Variants in WDR81 observed in about 807,000 individuals in gnomAD.
WDR81 encodes the protein WD repeat domain 81.
A neutral mutation model predicts 140.8 loss-of-function variants in WDR81; 92 were observed. The ratio of observed to expected loss-of-function variants is 0.65; its 90% CI spans 0.55 to 0.78. WDR81 has a LOEUF of 0.78. WDR81 is among the 30% of genes least tolerant of loss of function. WDR81 has a pLI of 0.00. For missense variants in WDR81, 2,502 were observed against 2,636.4 expected, an observed-to-expected ratio of 0.95 and a Z score of 1.12; for synonymous variants, 1,183 against 1,156.4, an observed-to-expected ratio of 1.02 and a Z score of -0.47.
rs371543660 is a variant in WDR81 at position 1,738,468 on chromosome 17, T to C, written c.*783T>C. 6.5e-6 allele frequency: 1 copy of C among 152,922 alleles called. No individual in the cohort carries two copies. The highest frequency in any genetic ancestry group is 1.9e-4 in the East Asian group (1 of 5,190). 9.5% of individuals were successfully genotyped at this position (152,922 alleles called of 1,614,324 possible). A position where few individuals can be genotyped will look rare whatever the true frequency, so the allele number is the denominator to read the frequency against. On this transcript the variant is annotated 3_prime_UTR_variant, in exon 10 of 10. Coordinates refer to ENST00000409644, the MANE Select transcript of WDR81 (RefSeq NM_001163809.2). ...CTCGGGTCTCTGCCAGAGGAAGACT[T>C]AAGCATCCCTGCGACCTCACATTCT...
rs763115674 is a variant in WDR81 at position 1,733,648 on chromosome 17, C to A, written c.4611C>A (p.Gly1537=). The A allele has an allele frequency of 1.9e-6, 3 of 1,605,724 alleles. No individual in the cohort carries two copies. The South Asian group carries it at 3.3e-5, about 18-fold the overall frequency. ...NPASVEPTMP[G]TGPEWDPHGG... ...CCAGCGTGGAGCCCACCATGCCCGG[C>A]ACCGGGCCCGAGTGGGACCCCCATG... Residue 1537 remains glycine (G), a synonymous_variant, in exon 7 of 10, where the codon GGC becomes GGA. Transcript: ENST00000409644.
Position 1,726,717 on chromosome 17 carries a change from G to T in WDR81, c.1758G>T (p.Gln586His). 2 of 1,548,698 alleles carry T rather than the reference G, an allele frequency of 1.3e-6. No homozygotes were observed. The highest frequency in any genetic ancestry group is 1.7e-4 in the Middle Eastern group (1 of 5,990). ...ACGGGGTGGTGCAGCTCTTCGATCA[G>T]CCACACCCCCAGCGCCTGGCTGGGG... ...ASYGVVQLFDQPHPQRLAGAP... is the reference protein window; with the variant it reads ...ASYGVVQLFDHPHPQRLAGAP... The change falls in exon 1 of 10, where the codon CAG (glutamine) becomes CAT (histidine). Residue 586 changes from glutamine to histidine, a missense_variant. Gln to His is a conservative substitution (Grantham distance 24). Around this residue, in one of 3 missense-constraint regions of WDR81, gnomAD observed 1,737 missense variants for 1,843.0 expected, o/e 0.94. Coordinates refer to ENST00000409644, the MANE Select transcript of WDR81 (RefSeq NM_001163809.2).
At chr17:1,734,310 G>C in intron 7 of WDR81, 94 bp downstream of exon 7, 1 of 1,391,984 alleles carries the variant, frequency 7.2e-7, no homozygotes, top group South Asian at 1.5e-5. Context: ...GTAATGCTGC[G>C]GAGTTTGGGG....
rs1394897557 is a variant in WDR81 at position 1,724,753 on chromosome 17, C to T, written c.-207C>T. ...GGTGCTCGCGCCCGGCAGCCTCTGC[C>T]CCGCCGCGCCCGGAGCGCAGGACCC... On this transcript the variant is annotated 5_prime_UTR_variant, in exon 1 of 10. Coordinates refer to ENST00000409644, the MANE Select transcript of WDR81 (RefSeq NM_001163809.2). 1.8e-6 allele frequency: 2 copies of T among 1,131,168 alleles called. No individual in the cohort carries two copies. Among genetic ancestry groups the T allele is most frequent in the Non-Finnish European group, 2.2e-6 (2 of 924,274 alleles). The allele number at this position is 1,131,168 out of a possible 1,614,324, so 70.1% of individuals were successfully genotyped here.
chr17:1,723,880 C>G (rs1046917695), upstream of WDR81, among the ~76,000 whole-genome samples: 5 of 152,184 alleles, frequency 3.3e-5, no homozygotes, highest in African/African-American at 1.2e-4. Flanking sequence ...TCCATTCCGC[C>G]AGGCGGACAA....
rs1423586853 is a variant in WDR81 at position 1,737,376 on chromosome 17, C to A, written c.5517C>A (p.Gly1839=). The stretch of plus-strand genomic sequence containing the variant: ...CTCTCCCGGGACAGGCGGTGGAGGG[C>A]AGCGTCCTGGTCAGCTCCTCCTCTG... The part of the protein sequence containing the change: ...GDILQIKAVE[G]SVLVSSSSDH... Residue 1839 remains glycine, a synonymous_variant, in exon 10 of 10, where the codon GGC becomes GGA. Coordinates refer to ENST00000409644, the MANE Select transcript of WDR81 (RefSeq NM_001163809.2). 1.2e-6 allele frequency: 2 copies of A among 1,607,256 alleles called. No homozygotes were observed. Among genetic ancestry groups the A allele is most frequent in the Non-Finnish European group, 1.7e-6 (2 of 1,176,488 alleles).
rs1255767642 is a variant in WDR81, at chr17:1,735,707, C to A, written c.5315C>A (p.Pro1772His). Residue 1772 changes from proline to histidine, a missense_variant, in exon 8 of 10, where the codon CCT (proline) becomes CAT (histidine). By Grantham distance (77) the Pro-to-His change is moderately conservative. This residue lies in a region of WDR81 where 1,737 missense variants were observed against 1,843.0 expected (regional missense o/e 0.94). Coordinates refer to ENST00000409644, the MANE Select transcript of WDR81 (RefSeq NM_001163809.2). This position sits in a 1 kb window ranked among gnomAD's most constrained non-coding sequence, Gnocchi z 4.2. ...STLRFVDCRKPGLQHEFRLGG... is the reference protein window; with the variant it reads ...STLRFVDCRKHGLQHEFRLGG... ...CTGCGCTTTGTGGACTGCAGGAAGC[C>A]TGGTCTGCAGGTCAGGGGGGTCCAG... is the stretch of plus-strand genomic sequence containing the variant. The A allele has an allele frequency of 6.2e-7, 1 of 1,612,358 alleles. No homozygotes were observed. The highest frequency in any genetic ancestry group is 8.5e-7 in the Non-Finnish European group (1 of 1,179,576).
rs1264054606 is a variant in WDR81 at position 1,725,174 on chromosome 17, C to T, written c.215C>T (p.Pro72Leu). 3.9e-6 allele frequency: 6 copies of T among 1,535,726 alleles called. No homozygotes were observed. Among genetic ancestry groups the T allele is most frequent in the South Asian group, 1.2e-5 (1 of 83,998 alleles). The part of the protein sequence containing the change: ...WLASLRDRRL[P>L]LGPCPRAEGL... Reference sequence around the variant, plus strand: ...GCCAGCCTCCGCGATCGCCGGCTGCCCCTGGGACCCTGTCCCCGCGCAGAG... The same window carrying T: ...GCCAGCCTCCGCGATCGCCGGCTGCTCCTGGGACCCTGTCCCCGCGCAGAG... Residue 72 changes from proline (P) to leucine (L), a missense_variant, in exon 1 of 10, where the codon CCC (proline) becomes CTC (leucine). Physicochemically the swap from Pro to Leu is moderately conservative, Grantham distance 98. This residue lies in a region of WDR81 where 547 missense variants were observed against 513.8 expected (regional missense o/e 1.06). Transcript: ENST00000409644.
chr17:1,726,040 C>G lies in WDR81; in HGVS notation c.1081C>G (p.His361Asp). 2 of 1,546,210 alleles carry G rather than the reference C, an allele frequency of 1.3e-6. No individual in the cohort carries two copies. Among genetic ancestry groups the G allele is most frequent in the East Asian group, 2.5e-5 (1 of 40,788 alleles). ...DWVHGRISNF[H>D]YLMQLNRLAG... ...GGTCCACGGCCGCATCAGCAACTTC[C>G]ACTACCTCATGCAGCTGAATCGGTT... The change falls in exon 1 of 10, where the codon CAC becomes GAC. Residue 361 changes from histidine to aspartate, a missense_variant. By Grantham distance (81) the His-to-Asp change is moderately conservative. Coordinates refer to ENST00000409644, the MANE Select transcript of WDR81 (RefSeq NM_001163809.2).
rs2151161164 is a variant in WDR81 at position 1,725,454 on chromosome 17, C to T, written c.495C>T (p.Ser165=). ...CTTACGGCCAGCCGTACAGTCACAG[C>T]CCTGCCCCCTCAGCTGTCCCTGCCT... ...YHTYGQPYSH[S]PAPSAVPALD... is the part of the protein sequence containing the mutation. The change falls in exon 1 of 10, where the codon AGC becomes AGT. Residue 165 remains serine (S), a synonymous_variant. Transcript: ENST00000409644. 1 of 1,549,282 alleles carries T rather than the reference C, an allele frequency of 6.5e-7. No homozygotes were observed. Among genetic ancestry groups the T allele is most frequent in the Non-Finnish European group, 8.7e-7 (1 of 1,146,972 alleles).
chr17:1,723,436 G>A (rs924087962), upstream of WDR81, among the ~76,000 whole-genome samples: 1 of 141,450 alleles, frequency 7.1e-6, no homozygotes, highest in Non-Finnish European at 1.6e-5. Context: ...TATTTATTTG[G>A]TTTTATTTTT....
At position 1,733,691 on chromosome 17, in the gene WDR81, G is replaced by A. The variant is rs1232353576; in HGVS notation, c.4654G>A (p.Asp1552Asn). 6.2e-7 allele frequency: 1 copy of A among 1,612,212 alleles called. No individual in the cohort carries two copies. The highest frequency in any genetic ancestry group is 8.5e-7 in the Non-Finnish European group (1 of 1,179,716). ...WDPHGGGCPQDDGHSGTFGSV... is the reference protein window; with the variant it reads ...WDPHGGGCPQNDGHSGTFGSV... Reference sequence around the variant, plus strand: ...CCCCCATGGTGGGGGCTGCCCTCAGGATGACGGCCACTCAGGGACCTTTGG... The same window carrying A: ...CCCCCATGGTGGGGGCTGCCCTCAGAATGACGGCCACTCAGGGACCTTTGG... Residue 1552 changes from aspartate (D) to asparagine (N), a missense_variant, in exon 7 of 10, where the codon GAT (aspartate) becomes AAT (asparagine). Coordinates refer to ENST00000409644, the MANE Select transcript of WDR81 (RefSeq NM_001163809.2).
chr17:1,731,292 G>A (rs777798155), intron 4 of WDR81, 34 bp downstream of exon 4: 28 of 1,600,610 alleles, frequency 1.7e-5, no homozygotes, highest in African/African-American at 2.7e-5. Flanking sequence ...TAGGGGGACC[G>A]GCCCAGCGGA....
chr17:1,720,783 A>G (rs1480055488), upstream of WDR81, among the ~76,000 whole-genome samples: 2 of 148,648 alleles, frequency 1.3e-5, no homozygotes, highest in Admixed American at 1.3e-4. Context: ...AAAAAAAAAA[A>G]GAATTATGCC....
At position 1,733,521 on chromosome 17, in the gene WDR81, A is replaced by T. The variant is rs1363423963; in HGVS notation, c.4490-6A>T. On this transcript the variant is annotated splice_region_variant and splice_polypyrimidine_tract_variant and intron_variant, in intron 6 of 9. Transcript: ENST00000409644. ...CTGTCTCAGGACCTCTCCCACTCCT[A>T]TCCAGGTGACATCATCCGGAAAATC... The T allele has an allele frequency of 1.3e-6, 2 of 1,515,040 alleles. No homozygotes were observed. The highest frequency in any genetic ancestry group is 1.3e-5 in the South Asian group (1 of 75,168). The allele number at this position is 1,515,040 out of a possible 1,614,324, so 93.8% of individuals were successfully genotyped here. A position where few individuals can be genotyped will look rare whatever the true frequency, so the allele number is the denominator to read the frequency against.
rs369912090 is a variant in WDR81 at position 1,725,751 on chromosome 17, C to A, written c.792C>A (p.Leu264=). 8.4e-6 allele frequency: 13 copies of A among 1,550,528 alleles called. No homozygotes were observed. The highest frequency in any genetic ancestry group is 2.4e-5 in the South Asian group (2 of 84,072). The stretch of plus-strand genomic sequence containing the variant: ...GCCAGGCCAAGGTGCTGTTCATTCT[C>A]TTCCGCGTGCTGAGGGCTATGGACG... The part of the protein sequence containing the change: ...TNSQAKVLFI[L]FRVLRAMDAC... Residue 264 remains leucine (L), a synonymous_variant, in exon 1 of 10, where the codon CTC becomes CTA. Coordinates refer to ENST00000409644, the MANE Select transcript of WDR81 (RefSeq NM_001163809.2).
Position 1,727,203 on chromosome 17 carries a change from G to A in WDR81, c.2244G>A (p.Leu748=), listed in dbSNP as rs916184361. The change falls in exon 1 of 10, where the codon CTG becomes CTA. Residue 748 remains leucine, a synonymous_variant. Coordinates refer to ENST00000409644, the MANE Select transcript of WDR81 (RefSeq NM_001163809.2). The part of the protein sequence containing the change: ...GNFLAKGLGG[L]LEVPEQPRVQ... ...TCTTGGCCAAAGGCCTAGGGGGCCT[G>A]TTGGAGGTGCCTGAGCAGCCCCGGG... is the stretch of plus-strand genomic sequence containing the variant. 1.6e-5 allele frequency: 25 copies of A among 1,550,026 alleles called. No individual in the cohort carries two copies. The highest frequency in any genetic ancestry group is 2.2e-5 in the Non-Finnish European group (25 of 1,146,698).
At chr17:1,718,440 T>G (rs1387445838) in intron 1 of WDR81, among the ~76,000 whole-genome samples, 2 of 152,212 alleles carry the variant, frequency 1.3e-5, no homozygotes, top group African/African-American at 2.4e-5. Context: ...CACTTCTAAC[T>G]GTTCTCAGCT....
chr17:1,730,839 T>C lies in WDR81; in HGVS notation c.3860T>C (p.Leu1287Pro), dbSNP rs1915650713. Residue 1287 changes from leucine (L) to proline (P), a missense_variant, in exon 3 of 10, where the codon CTG (leucine) becomes CCG (proline). Transcript: ENST00000409644. ...AGNIYQKRPV[L>P]GDIVSGPVLS... is the part of the protein sequence containing the mutation. ...AACATCTACCAGAAGAGGCCGGTCC[T>C]GGGCGACATCGTGTCAGGGCCTGTG... is the stretch of plus-strand genomic sequence containing the variant. The C allele has an allele frequency of 6.2e-7, 1 of 1,612,838 alleles. No individual in the cohort carries two copies. The highest frequency in any genetic ancestry group is 8.5e-7 in the Non-Finnish European group (1 of 1,179,988).
Sources: allele counts gnomAD v4.1 joint callset (sites outside exome capture counted in the v4.1 genomes callset), GRCh38; gene constraint gnomAD v4.1.1; regional missense constraint gnomAD v4.1.1; non-coding constraint Gnocchi (gnomAD v3.1); transcripts MANE v1.5; gene names NCBI Gene and HGNC (gene_info 2026-07-23, HGNC 2026-07-21).